The following LSAMP variants were observed in gnomAD, a reference collection of about 807,000 sequenced individuals.
LSAMP encodes limbic system-associated membrane protein.
In LSAMP, 7 loss-of-function variants were observed where a neutral mutation model predicts 38.6. The observed-to-expected ratio is 0.18, with a 90% CI of 0.10 to 0.34. LSAMP has a LOEUF of 0.34. Ranked by LOEUF, LSAMP falls within the 10% of genes least tolerant of loss-of-function variation. LSAMP has a pLI of 1.00. For missense variants in LSAMP, 313 were observed against 420.0 expected (o/e 0.75, Z 2.23); for synonymous variants, 154 against 166.8 (o/e 0.92, Z 0.59).
chr3:116,262,619 G>A (rs2046838588), intron 1 of LSAMP, among the ~76,000 whole-genome samples: 5 of 152,134 alleles, frequency 3.3e-5, no homozygotes, highest in South Asian at 2.1e-4. Flanking sequence ...ATGGGTGTAC[G>A]TGAAACAGAG....
At chr3:116,414,023 G>A (rs151258926) in intron 1 of LSAMP, among the ~76,000 whole-genome samples, 65 of 152,148 alleles carry the variant, frequency 4.3e-4, no homozygotes, top group Middle Eastern at 6.8e-3. Context: ...AAAGGAAGGA[G>A]GCAGGAAAGG....
chr3:115,901,895 A>T (rs1936884330), intron 3 of LSAMP, among the ~76,000 whole-genome samples: 1 of 152,198 alleles, frequency 6.6e-6, no homozygotes, highest in Non-Finnish European at 1.5e-5. Context: ...AAAAAAGCAA[A>T]TACCAATAAA....
chr3:116,162,676 TTCTC>T (rs140973794), intron 1 of LSAMP, among the ~76,000 whole-genome samples: 26,824 of 147,982 alleles, frequency 0.18, 2,546 homozygotes, highest in Admixed American at 0.22. Flanking sequence ...TCTTCACTGG[TTCTC>T]TCTCTCTCTC....
At chr3:115,933,437 G>GA (rs1204582614) in intron 3 of LSAMP, among the ~76,000 whole-genome samples, 2 of 151,970 alleles carry the variant, frequency 1.3e-5, no homozygotes, top group South Asian at 4.2e-4. Context: ...GAATAAAGAA[G>GA]AAAAAAATCA....
intron 6 of LSAMP, among the ~76,000 whole-genome samples, chr3:115,821,356 C>G (rs192451942): frequency 3.3e-5 from 5 of 152,288 alleles, no homozygotes; most frequent in African/African-American, 1.2e-4. Flanking sequence ...AAAGAATTGA[C>G]GTTTAGTGCT....
rs1933682870 is a variant in LSAMP at position 115,808,139 on chromosome 3, T to TC, written c.*2177dup. 1.9e-5 allele frequency: 1 copy of TC among 52,284 alleles called. No individual in the cohort carries two copies. The highest frequency in any genetic ancestry group is 9.6e-5 in the African/African-American group (1 of 10,424). The allele number at this position is 52,284 out of a possible 1,614,324, so 3.2% of individuals were successfully genotyped here. ...CTCCCTCCCTCCCTCCCTCCCTCCCTCCCTCCCTCCCCCCCTTCCCCGTCC... is the reference window on the plus strand; with the variant it reads ...CTCCCTCCCTCCCTCCCTCCCTCCCTCCCCTCCCTCCCCCCCTTCCCCGTCC... On this transcript the variant is annotated 3_prime_UTR_variant, in exon 7 of 7. Coordinates refer to ENST00000490035, the MANE Select transcript of LSAMP (RefSeq NM_002338.5).
intron 3 of LSAMP, among the ~76,000 whole-genome samples, chr3:115,865,668 T>C (rs183455048): frequency 7.4e-4 from 112 of 152,304 alleles, no homozygotes; most frequent in Non-Finnish European, 4.4e-4. Flanking sequence ...ACAGACTTAC[T>C]GAATCAGAAT....
chr3:115,804,823 A>G lies in LSAMP; in HGVS notation c.*5494T>C, dbSNP rs753773505. The G allele has an allele frequency of 6.6e-6, 1 of 152,186 alleles. No homozygotes were observed. The highest frequency in any genetic ancestry group is 1.5e-5 in the Non-Finnish European group (1 of 68,014). 9.4% of individuals were successfully genotyped at this position (152,186 alleles called of 1,614,324 possible). A position where few individuals can be genotyped will look rare whatever the true frequency, so the allele number is the denominator to read the frequency against. On this transcript the variant is annotated 3_prime_UTR_variant, in exon 7 of 7. Coordinates refer to ENST00000490035, the MANE Select transcript of LSAMP (RefSeq NM_002338.5). ...GCCTGAGAAAGATAACTCCCAATTA[A>G]AAATGATTCAGTCCCTCACTTGCAA...
intron 2 of LSAMP, among the ~76,000 whole-genome samples, chr3:116,026,301 C>G (rs1294800069): frequency 6.6e-6 from 1 of 152,172 alleles, no homozygotes; most frequent in Non-Finnish European, 1.5e-5. Context: ...TCTCCAGGGT[C>G]TGCCCTGACT....
chr3:116,437,701 G>A (rs1238876436), intron 1 of LSAMP, among the ~76,000 whole-genome samples: 1 of 150,288 alleles, frequency 6.7e-6, no homozygotes, highest in Non-Finnish European at 1.5e-5. Context: ...AGGAGAGGAA[G>A]GAAGAGGAGA....
chr3:116,213,643 G>A (rs990266100), intron 1 of LSAMP, among the ~76,000 whole-genome samples: 1 of 152,174 alleles, frequency 6.6e-6, no homozygotes, highest in Non-Finnish European at 1.5e-5. Flanking sequence ...TAGACAACAT[G>A]TGGAAACAAA....
At chr3:116,402,078 C>T (rs1488394951) in intron 1 of LSAMP, among the ~76,000 whole-genome samples, 1 of 152,218 alleles carries the variant, frequency 6.6e-6, no homozygotes, top group Non-Finnish European at 1.5e-5. Context: ...TCTAATAATA[C>T]ATTTCACTAC....
chr3:116,105,301 T>A (rs1708438877), intron 1 of LSAMP, among the ~76,000 whole-genome samples: 1 of 152,178 alleles, frequency 6.6e-6, no homozygotes, highest in Non-Finnish European at 1.5e-5. Flanking sequence ...GAGGACTAAC[T>A]GCCGCAAAGA....
chr3:115,874,355 C>G (rs1936127938), intron 3 of LSAMP, among the ~76,000 whole-genome samples: 1 of 152,100 alleles, frequency 6.6e-6, no homozygotes, highest in Admixed American at 6.6e-5. Flanking sequence ...CTGCTTGAAA[C>G]TATCCCTATT....
At chr3:116,425,741 A>G (rs1435327391) in intron 1 of LSAMP, among the ~76,000 whole-genome samples, 2 of 150,678 alleles carry the variant, frequency 1.3e-5, no homozygotes, top group East Asian at 3.9e-4. Flanking sequence ...AAGTCCATAA[A>G]TAATAAATAA....
At chr3:116,400,560 C>A (rs1011294129) in intron 1 of LSAMP, among the ~76,000 whole-genome samples, 1 of 151,914 alleles carries the variant, frequency 6.6e-6, no homozygotes, top group Non-Finnish European at 1.5e-5. Flanking sequence ...CTCACTGCAA[C>A]CTCTGCTACC....
At position 116,040,001 on chromosome 3, in the gene LSAMP, G is replaced by GAA. The variant is rs199771984; in HGVS notation, c.389-20362_389-20361insTT. Among the ~76,000 whole-genome samples, 682 of 151,806 alleles carry GAA rather than the reference G, an allele frequency of 4.5e-3. 5 individuals are homozygous for GAA. Among genetic ancestry groups the GAA allele is most frequent in the African/African-American group, 0.016 (666 of 41,242 alleles). On this transcript the variant is annotated intron_variant, in intron 2 of 6. Transcript: ENST00000490035. ...CTTTACTCTGCCTCTCTTTGGGGGG[G>GAA]GAAAAAAACTGGTCCCCTTTTCTAC...
chr3:116,238,728 G>T (rs1480195862), intron 1 of LSAMP, among the ~76,000 whole-genome samples: 2 of 152,074 alleles, frequency 1.3e-5, no homozygotes, highest in African/African-American at 4.8e-5. Flanking sequence ...CAGTCCATCT[G>T]CCCCTCCTCT....
chr3:116,115,089 C>A (rs1333301256), intron 1 of LSAMP, among the ~76,000 whole-genome samples: 3 of 152,106 alleles, frequency 2.0e-5, no homozygotes, highest in African/African-American at 7.2e-5. Flanking sequence ...TAGTCTAGCT[C>A]AGGTTTTATG....
Sources: gnomAD v4.1 joint callset for allele counts (sites outside exome capture counted in the v4.1 genomes callset) on GRCh38, gnomAD v4.1.1 for gene constraint, MANE v1.5 for transcripts, NCBI Gene and HGNC (gene_info 2026-07-23, HGNC 2026-07-21) for gene names.